The following MAML2 variants were observed in gnomAD, a reference collection of about 807,000 sequenced individuals.
MAML2 encodes mastermind like transcriptional coactivator 2.
MAML2 carries 22 observed loss-of-function variants against 96.1 expected under a neutral mutation model. The ratio of observed to expected loss-of-function variants is 0.23; its 90% CI spans 0.16 to 0.33. The LOEUF (loss-of-function observed/expected upper bound fraction) is 0.33, where lower values mean the gene tolerates loss of function less well. MAML2 is among the 10% of genes least tolerant of loss of function. MAML2 has a pLI of 1.00. For missense variants in MAML2, 1,367 were observed against 1,392.4 expected (o/e 0.98, Z 0.29); for synonymous variants, 561 against 521.3 (o/e 1.08, Z -1.04).
At chr11:96,339,972 A>T (rs1192747480) in intron 1 of MAML2, among the ~76,000 whole-genome samples, 1 of 152,100 alleles carries the variant, frequency 6.6e-6, no homozygotes, top group Non-Finnish European at 1.5e-5. Flanking sequence ...AAAACTGTAA[A>T]CCCTGTGCAG....
intron 1 of MAML2, among the ~76,000 whole-genome samples, chr11:96,205,975 T>C (rs894403249): frequency 6.6e-6 from 1 of 152,256 alleles, no homozygotes; most frequent in African/African-American, 2.4e-5. Context: ...CAAAGTTTAC[T>C]TTTGTGCCTA....
At chr11:96,057,890 T>C (rs1859094422) in intron 2 of MAML2, among the ~76,000 whole-genome samples, 1 of 152,242 alleles carries the variant, frequency 6.6e-6, no homozygotes, top group South Asian at 2.1e-4. Context: ...GACAGGGATA[T>C]TGTTTTGTAT....
At chr11:96,134,763 G>T (rs1186873449) in intron 1 of MAML2, among the ~76,000 whole-genome samples, 1 of 152,142 alleles carries the variant, frequency 6.6e-6, no homozygotes, top group African/African-American at 2.4e-5. Flanking sequence ...GCTAAGAGGG[G>T]TAAACAGAAA....
In MAML2 at chr11:96,199,523, AT is replaced by A. The variant is rs71459792; in HGVS notation, c.514-106007del. On this transcript the variant is annotated intron_variant, in intron 1 of 4. Coordinates refer to ENST00000524717, the MANE Select transcript of MAML2 (RefSeq NM_032427.4). Reference sequence around the variant, plus strand: ...TGATATACCTTCCATGTTTCAGATAATTTTTTTTTTTTTTTTGAGCAAGTGA... The same window carrying A: ...TGATATACCTTCCATGTTTCAGATAATTTTTTTTTTTTTTTGAGCAAGTGA... 8.9e-3 allele frequency among the ~76,000 whole-genome samples: 1,274 copies of A among 143,564 alleles called. 4 individuals carry two copies. Among genetic ancestry groups the A allele is most frequent in the African/African-American group, 0.011 (432 of 39,304 alleles). The allele number at this position is 143,564 out of a possible 152,430, so 94.2% of individuals were successfully genotyped here. A position where few individuals can be genotyped will look rare whatever the true frequency, so the allele number is the denominator to read the frequency against.
intron 1 of MAML2, among the ~76,000 whole-genome samples, chr11:96,310,777 G>T (rs1863531775): frequency 1.3e-5 from 2 of 152,150 alleles, no homozygotes; most frequent in Admixed American, 6.5e-5. Context: ...GGAAAATATG[G>T]TCAACTCTTC....
chr11:96,164,798 G>A (rs1197872840), intron 1 of MAML2, among the ~76,000 whole-genome samples: 5 of 152,166 alleles, frequency 3.3e-5, no homozygotes, highest in Non-Finnish European at 7.3e-5. Context: ...CATAAGTAAA[G>A]CAAGCACAAA....
intron 1 of MAML2, among the ~76,000 whole-genome samples, chr11:96,233,765 A>T (rs1296286660): frequency 6.6e-6 from 1 of 152,120 alleles, no homozygotes; most frequent in Non-Finnish European, 1.5e-5. Context: ...AAACAAAATG[A>T]TTTTCTCCTA....
intron 1 of MAML2, among the ~76,000 whole-genome samples, chr11:96,195,936 G>A (rs532721626): frequency 6.6e-6 from 1 of 152,184 alleles, no homozygotes; most frequent in African/African-American, 2.4e-5. Context: ...AAGCAAGTAG[G>A]TTAATAGTAC....
intron 1 of MAML2, among the ~76,000 whole-genome samples, chr11:96,234,612 TTCTG>T (rs1397857664): frequency 7.2e-5 from 11 of 152,326 alleles, no homozygotes; most frequent in African/African-American, 2.2e-4. Flanking sequence ...CTCCCTCTCT[TTCTG>T]TCTGTCTCTT....
intron 2 of MAML2, among the ~76,000 whole-genome samples, chr11:96,055,881 T>C (rs1859058585): frequency 6.6e-6 from 1 of 152,184 alleles, no homozygotes; most frequent in Non-Finnish European, 1.5e-5. Context: ...GTCATCTTTC[T>C]ACAAGAAGCT....
intron 1 of MAML2, among the ~76,000 whole-genome samples, chr11:96,234,438 G>A (rs1258144891): frequency 2.0e-5 from 3 of 152,102 alleles, no homozygotes; most frequent in Non-Finnish European, 2.9e-5. Context: ...CCGAGATCAC[G>A]CCATTGCACT....
chr11:96,249,751 C>G (rs541825026), intron 1 of MAML2, among the ~76,000 whole-genome samples: 15 of 152,230 alleles, frequency 9.9e-5, no homozygotes, highest in African/African-American at 3.4e-4. Context: ...CTCCAAGCAA[C>G]CATCACTTCC....
Position 96,092,912 on chromosome 11 carries a change from A to C in MAML2, c.1119T>G (p.Thr373=). The change falls in exon 2 of 5, where the codon ACT becomes ACG. Residue 373 remains threonine (T), a synonymous_variant. Transcript: ENST00000524717. This position sits in a 1 kb window ranked among gnomAD's most constrained non-coding sequence, Gnocchi z 4.1. Reference sequence around the variant, plus strand: ...GCTGAGGAGAGCCTGAGGGGCCCTGAGTCAAGCCCGGTGAGTATTCACTTT... The same window carrying C: ...GCTGAGGAGAGCCTGAGGGGCCCTGCGTCAAGCCCGGTGAGTATTCACTTT... ...VIKSEYSPGL[T]QGPSGSPQLR... 1 of 1,606,090 alleles carries C rather than the reference A, an allele frequency of 6.2e-7. No homozygotes were observed.
intron 1 of MAML2, among the ~76,000 whole-genome samples, chr11:96,263,740 G>A (rs1045425972): frequency 6.6e-6 from 1 of 152,194 alleles, no homozygotes; most frequent in South Asian, 2.1e-4. Flanking sequence ...GTATGGAGGG[G>A]GGCTGGTGGG....
At chr11:96,199,265 C>T (rs1364951279) in intron 1 of MAML2, among the ~76,000 whole-genome samples, 1 of 149,600 alleles carries the variant, frequency 6.7e-6, no homozygotes, top group East Asian at 2.0e-4. Context: ...GTATTTTCTC[C>T]TTCTTCCCAG....
intron 2 of MAML2, among the ~76,000 whole-genome samples, chr11:96,077,461 T>C (rs1021257735): frequency 6.6e-6 from 1 of 152,092 alleles, no homozygotes; most frequent in African/African-American, 2.4e-5. Flanking sequence ...CCTCAAGTCA[T>C]CCACCCGCCT....
At chr11:96,020,258 C>T (rs1205288221) in intron 2 of MAML2, among the ~76,000 whole-genome samples, 6 of 152,184 alleles carry the variant, frequency 3.9e-5, no homozygotes, top group African/African-American at 1.4e-4. Context: ...GCTTTTTCCC[C>T]TCTCCATCAG....
At chr11:96,069,656 G>A (rs1366250308) in intron 2 of MAML2, among the ~76,000 whole-genome samples, 3 of 152,100 alleles carry the variant, frequency 2.0e-5, no homozygotes, top group Non-Finnish European at 4.4e-5. Flanking sequence ...CAGCTTGGGT[G>A]AGAGAATGAG....
At chr11:96,334,440 C>T (rs1272096461) in intron 1 of MAML2, among the ~76,000 whole-genome samples, 2 of 152,130 alleles carry the variant, frequency 1.3e-5, no homozygotes, top group Non-Finnish European at 2.9e-5. Flanking sequence ...TTTAATTGAC[C>T]TATCCAAGAA....
Sources: allele counts gnomAD v4.1 joint callset (sites outside exome capture counted in the v4.1 genomes callset), GRCh38; gene constraint gnomAD v4.1.1; non-coding constraint Gnocchi (gnomAD v3.1); transcripts MANE v1.5; gene names NCBI Gene and HGNC (gene_info 2026-07-23, HGNC 2026-07-21).